The following LY6G6C variants were observed in gnomAD, a reference collection of about 807,000 sequenced individuals.
LY6G6C encodes the protein lymphocyte antigen 6 complex locus protein G6c.
In LY6G6C, 12 loss-of-function variants were observed where a neutral mutation model predicts 12.8. The observed-to-expected ratio is 0.94, with a 90% CI of 0.60 to 1.52. The LOEUF (loss-of-function observed/expected upper bound fraction) is 1.52, where lower values mean the gene tolerates loss of function less well. Ranked by LOEUF, LY6G6C falls within the 40% of genes most tolerant of loss-of-function variation. The pLI is 0.00. For synonymous variants in LY6G6C, 42 were observed against 61.6 expected (o/e 0.68, Z 1.49); for missense variants, 125 against 155.8 (o/e 0.80, Z 1.05).
rs559648748 is a variant in LY6G6C, at chr6:31,721,485, G to C, written c.52+143C>G. The C allele has an allele frequency of 4.7e-6, 3 of 645,138 alleles. No individual in the cohort carries two copies. The South Asian group carries it at 6.9e-5, about 15-fold the overall frequency. The allele number at this position is 645,138 out of a possible 1,614,324, so 40.0% of individuals were successfully genotyped here. ...AAGGAGGCTGTCATAGGGAAGCCTG[G>C]TCTTGGTGGCACAGGAGAGCTGAGC... On this transcript the variant is annotated intron_variant, in intron 1 of 2. Coordinates refer to ENST00000375819, the MANE Select transcript of LY6G6C (RefSeq NM_025261.3).
rs1806798875 is a variant in LY6G6C at position 31,721,691 on chromosome 6, T to A, written c.-12A>T. 6.2e-7 allele frequency: 1 copy of A among 1,613,916 alleles called. No homozygotes were observed. The highest frequency in any genetic ancestry group is 8.5e-7 in the Non-Finnish European group (1 of 1,179,862). ...ATAAGGGCTTTCATGGCGAGGGTCC[T>A]GAGAATGGTGGCAACCACAGCAGCT... On this transcript the variant is annotated 5_prime_UTR_variant, in exon 1 of 3. Transcript: ENST00000375819.
chr6:31,720,303 C>T lies in LY6G6C; in HGVS notation c.53-100G>A. 2.6e-6 allele frequency: 2 copies of T among 766,708 alleles called. No individual in the cohort carries two copies. Among genetic ancestry groups the T allele is most frequent in the African/African-American group, 1.7e-5 (1 of 58,622 alleles). 47.5% of individuals were successfully genotyped at this position (766,708 alleles called of 1,614,324 possible). ...GTGGAGGGTGGAGAAGAGCCCATCC[C>T]GTAGGTGCTCCAACCTGTTTGGCTG... On this transcript the variant is annotated intron_variant, in intron 1 of 2. Transcript: ENST00000375819. This position sits in a 1 kb window ranked among gnomAD's most constrained non-coding sequence, Gnocchi z 4.9.
At chr6:31,719,962 A>C in intron 2 of LY6G6C, 131 bp downstream of exon 2, 1 of 634,796 alleles carries the variant, frequency 1.6e-6, no homozygotes, top group South Asian at 2.1e-5. Flanking sequence ...GCACACAACC[A>C]TCTTTGGCCA....
chr6:31,720,272 G>A lies in LY6G6C; in HGVS notation c.53-69C>T, dbSNP rs974711856. ...TACCTGGGGATAAGCTGAGCTGGGGGCAGGGGTGGAGGGTGGAGAAGAGCC... is the reference window on the plus strand; with the variant it reads ...TACCTGGGGATAAGCTGAGCTGGGGACAGGGGTGGAGGGTGGAGAAGAGCC... On this transcript the variant is annotated intron_variant, in intron 1 of 2. Transcript: ENST00000375819. The surrounding 1 kb of genome is among the most constrained non-coding windows in gnomAD (Gnocchi z 4.9). 7 of 1,156,194 alleles carry A rather than the reference G, an allele frequency of 6.1e-6. No homozygotes were observed. Among genetic ancestry groups the A allele is most frequent in the East Asian group, 2.4e-5 (1 of 42,014 alleles). 71.6% of individuals were successfully genotyped at this position (1,156,194 alleles called of 1,614,324 possible).
rs1321647127 is a variant in LY6G6C at position 31,720,253 on chromosome 6, G to A, written c.53-50C>T. On this transcript the variant is annotated intron_variant, in intron 1 of 2. Transcript: ENST00000375819. The surrounding 1 kb of genome is among the most constrained non-coding windows in gnomAD (Gnocchi z 4.9). ...GGTGATGGGGTCTCTGACTTACCTGGGGATAAGCTGAGCTGGGGGCAGGGG... is the reference window on the plus strand; with the variant it reads ...GGTGATGGGGTCTCTGACTTACCTGAGGATAAGCTGAGCTGGGGGCAGGGG... 5 of 1,350,230 alleles carry A rather than the reference G, an allele frequency of 3.7e-6. No homozygotes were observed. Among genetic ancestry groups the A allele is most frequent in the Non-Finnish European group, 5.3e-6 (5 of 943,622 alleles). The allele number at this position is 1,350,230 out of a possible 1,614,324, so 83.6% of individuals were successfully genotyped here.
chr6:31,718,968 G>T lies in LY6G6C; in HGVS notation c.*128C>A. On this transcript the variant is annotated 3_prime_UTR_variant, in exon 3 of 3. Transcript: ENST00000375819. Reference sequence around the variant, plus strand: ...GAAGGATGGATGAGGAGACCACTCGGAACAGTGTTTAATTAAAGAAATGGG... The same window carrying T: ...GAAGGATGGATGAGGAGACCACTCGTAACAGTGTTTAATTAAAGAAATGGG... The T allele has an allele frequency of 2.6e-6, 2 of 770,854 alleles. No individual in the cohort carries two copies. Among genetic ancestry groups the T allele is most frequent in the Non-Finnish European group, 4.3e-6 (2 of 465,326 alleles). 47.8% of individuals were successfully genotyped at this position (770,854 alleles called of 1,614,324 possible).
In LY6G6C at chr6:31,719,200, A is replaced by G. The variant is rs774647645; in HGVS notation, c.274T>C (p.Cys92Arg). ...GCGCTGTTGCAGTTGTCCTTGTTGC[A>G]GCAGGTGGTGTTATATGTCAGACCC... ...KLGLTYNTTC[C>R]NKDNCNSAGP... Residue 92 changes from cysteine to arginine, a missense_variant, in exon 3 of 3, where the codon TGC becomes CGC. Coordinates refer to ENST00000375819, the MANE Select transcript of LY6G6C (RefSeq NM_025261.3). The G allele has an allele frequency of 6.2e-7, 1 of 1,614,158 alleles. No homozygotes were observed. Among genetic ancestry groups the G allele is most frequent in the Non-Finnish European group, 8.5e-7 (1 of 1,180,012 alleles).
rs1209356092 is a variant in LY6G6C, at chr6:31,718,769, C to G, written c.*327G>C. 1 of 430,124 alleles carries G rather than the reference C, an allele frequency of 2.3e-6. No homozygotes were observed. Among genetic ancestry groups the G allele is most frequent in the Non-Finnish European group, 4.2e-6 (1 of 239,304 alleles). 26.6% of individuals were successfully genotyped at this position (430,124 alleles called of 1,614,324 possible). A position where few individuals can be genotyped will look rare whatever the true frequency, so the allele number is the denominator to read the frequency against. On this transcript the variant is annotated 3_prime_UTR_variant, in exon 3 of 3. Transcript: ENST00000375819. ...TGAGGTCATCAGGTCCTTGTGGGAG[C>G]CTTCACTGGGGACAACACAGAAGCC... is the stretch of plus-strand genomic sequence containing the variant.
At chr6:31,721,357 G>A (rs1417074575) in intron 1 of LY6G6C, among the ~76,000 whole-genome samples, 1 of 152,146 alleles carries the variant, frequency 6.6e-6, no homozygotes, top group Non-Finnish European at 1.5e-5. Flanking sequence ...GAGACACCTT[G>A]GAGTGGGGAA....
Position 31,721,746 on chromosome 6 carries a change from T to C in LY6G6C, c.-67A>G. ...GAGTAGATTTTCAAGGATCCAGCTC[T>C]AGGAGTTGAGTGGCCTTTTTGGAAT... is the stretch of plus-strand genomic sequence containing the variant. On this transcript the variant is annotated 5_prime_UTR_variant, in exon 1 of 3. Transcript: ENST00000375819. The C allele has an allele frequency of 1.3e-6, 2 of 1,565,276 alleles. No individual in the cohort carries two copies. Among genetic ancestry groups the C allele is most frequent in the Non-Finnish European group, 1.8e-6 (2 of 1,137,872 alleles).
intron 2 of LY6G6C, among the ~76,000 whole-genome samples, chr6:31,719,579 C>T (rs1296512557): frequency 6.6e-6 from 1 of 152,156 alleles, no homozygotes; most frequent in East Asian, 1.9e-4. Flanking sequence ...CACTCTCGCC[C>T]AGGCTGGAGT....
At position 31,720,927 on chromosome 6, in the gene LY6G6C, A is replaced by T. The variant is rs1188296954; in HGVS notation, c.52+701T>A. The T allele has an allele frequency of 6.6e-6, 1 of 152,272 alleles. No homozygotes were observed. The highest frequency in any genetic ancestry group is 1.5e-5 in the Non-Finnish European group (1 of 68,100). The allele number at this position is 152,272 out of a possible 1,614,324, so 9.4% of individuals were successfully genotyped here. ...GCAAGATTTGGTGACGCAGGGTCCG[A>T]GGGTGGAAGAGCCTGGTAAGTGTAC... On this transcript the variant is annotated intron_variant, in intron 1 of 2. Coordinates refer to ENST00000375819, the MANE Select transcript of LY6G6C (RefSeq NM_025261.3). This position sits in a 1 kb window ranked among gnomAD's most constrained non-coding sequence, Gnocchi z 4.9.
Position 31,719,134 on chromosome 6 carries a change from T to A in LY6G6C, c.340A>T (p.Thr114Ser). ...PTPALGLVFL[T>S]SLAGLGLWLL... ...CAGAGGCCAAGGCCAGCCAAGGAGGTAAGGAAGACAAGGCCCAGGGCTGGA... is the reference window on the plus strand; with the variant it reads ...CAGAGGCCAAGGCCAGCCAAGGAGGAAAGGAAGACAAGGCCCAGGGCTGGA... Residue 114 changes from threonine (T) to serine (S), a missense_variant, in exon 3 of 3, where the codon ACC (threonine) becomes TCC (serine). Transcript: ENST00000375819. The A allele has an allele frequency of 6.2e-7, 1 of 1,613,918 alleles. No homozygotes were observed. The highest frequency in any genetic ancestry group is 8.5e-7 in the Non-Finnish European group (1 of 1,179,932).
intron 2 of LY6G6C, 113 bp from the exon 3 acceptor site, chr6:31,719,423 G>T: frequency 1.2e-6 from 1 of 823,664 alleles, no homozygotes; most frequent in Non-Finnish European, 2.0e-6. Context: ...CTCTGTCCCT[G>T]GCCCTCCCCT....
In LY6G6C at chr6:31,720,109, T is replaced by C. The variant is rs1267465247; in HGVS notation, c.147A>G (p.Thr49=). ...GGATGTTACCAAGGTATGCATGTGTTGTCAGGCATTGCTGTCCTGGCTCCA... is the reference window on the plus strand; with the variant it reads ...GGATGTTACCAAGGTATGCATGTGTCGTCAGGCATTGCTGTCCTGGCTCCA... ...CRLEPGQQCL[T]THAYLGKMWV... The change falls in exon 2 of 3, where the codon ACA becomes ACG. Residue 49 remains threonine, a synonymous_variant. Coordinates refer to ENST00000375819, the MANE Select transcript of LY6G6C (RefSeq NM_025261.3). This position sits in a 1 kb window ranked among gnomAD's most constrained non-coding sequence, Gnocchi z 4.9. 3.1e-6 allele frequency: 5 copies of C among 1,612,398 alleles called. No individual in the cohort carries two copies. The highest frequency in any genetic ancestry group is 3.3e-5 in the Admixed American group (2 of 60,008).
In LY6G6C at chr6:31,720,494, C is replaced by T. The variant is rs1455045575; in HGVS notation, c.53-291G>A. Among the ~76,000 whole-genome samples the T allele has an allele frequency of 6.6e-6, 1 of 152,250 alleles. No individual in the cohort carries two copies. Among genetic ancestry groups the T allele is most frequent in the Non-Finnish European group, 1.5e-5 (1 of 68,020 alleles). On this transcript the variant is annotated intron_variant, in intron 1 of 2. Transcript: ENST00000375819. The surrounding 1 kb of genome is among the most constrained non-coding windows in gnomAD (Gnocchi z 4.9). ...AGAGGGACAGAACTATGAAGAAAAA[C>T]ATGGGGCTGGAGATAGATGGAATGT...
chr6:31,721,559 A>G (rs1806786752), intron 1 of LY6G6C, 69 bp downstream of exon 1: 1 of 1,455,948 alleles, frequency 6.9e-7, no homozygotes. Context: ...TAGGGCCGGG[A>G]AGTGGGTAGA....
rs1562162502 is a variant in LY6G6C, at chr6:31,719,041, G to C, written c.*55C>G. 9.0e-6 allele frequency: 13 copies of C among 1,449,422 alleles called. No individual in the cohort carries two copies. The South Asian group carries it at 9.4e-5, about 10-fold the overall frequency. The allele number at this position is 1,449,422 out of a possible 1,614,324, so 89.8% of individuals were successfully genotyped here. A position where few individuals can be genotyped will look rare whatever the true frequency, so the allele number is the denominator to read the frequency against. On this transcript the variant is annotated 3_prime_UTR_variant, in exon 3 of 3. Transcript: ENST00000375819. Reference sequence around the variant, plus strand: ...AAAGCCAGGGGATACAGAGACACAGGGAGAGAGGCTCAGGCCAAGGCAGGT... The same window carrying C: ...AAAGCCAGGGGATACAGAGACACAGCGAGAGAGGCTCAGGCCAAGGCAGGT...
Position 31,720,745 on chromosome 6 carries a change from T to C in LY6G6C, c.53-542A>G, listed in dbSNP as rs1047525129. Among the ~76,000 whole-genome samples, 1 of 152,134 alleles carries C rather than the reference T, an allele frequency of 6.6e-6. No individual in the cohort carries two copies. Among genetic ancestry groups the C allele is most frequent in the African/African-American group, 2.4e-5 (1 of 41,412 alleles). On this transcript the variant is annotated intron_variant, in intron 1 of 2. Transcript: ENST00000375819. This position sits in a 1 kb window ranked among gnomAD's most constrained non-coding sequence, Gnocchi z 4.9. ...TGTGGCAAGAGGAACCAGACCTGAATAGAATCCTCTCACCCCAGTAGCTCT... is the reference window on the plus strand; with the variant it reads ...TGTGGCAAGAGGAACCAGACCTGAACAGAATCCTCTCACCCCAGTAGCTCT...
Sources: gnomAD v4.1 joint callset for allele counts (sites outside exome capture counted in the v4.1 genomes callset) on GRCh38, gnomAD v4.1.1 for gene constraint, Gnocchi (gnomAD v3.1) non-coding constraint, MANE v1.5 for transcripts, NCBI Gene and HGNC (gene_info 2026-07-23, HGNC 2026-07-21) for gene names.